Variants in RYR3 observed in about 807,000 individuals in gnomAD.
RYR3 encodes brain ryanodine receptor-calcium release channel.
RYR3 carries 207 observed loss-of-function variants against 584.3 expected under a neutral mutation model. That is an observed-to-expected ratio of 0.35 (90% CI 0.32 to 0.40). The LOEUF is 0.40. Ranked by LOEUF, RYR3 falls within the 10% of genes least tolerant of loss-of-function variation. RYR3 has a pLI of 1.00. For synonymous variants in RYR3, 2,416 were observed against 2,248.5 expected (o/e 1.07, Z -2.11); for missense variants, 5,616 against 6,089.2 (o/e 0.92, Z 2.59).
intron 16 of RYR3, among the ~76,000 whole-genome samples, chr15:33,593,711 C>T (rs187878014): frequency 2.6e-5 from 4 of 152,178 alleles, no homozygotes; most frequent in African/African-American, 9.6e-5. Context: ...GACTTTTAAT[C>T]AGGAAAAATT....
chr15:33,443,171 A>T (rs1312017979), intron 1 of RYR3, among the ~76,000 whole-genome samples: 1 of 151,898 alleles, frequency 6.6e-6, no homozygotes, highest in African/African-American at 2.4e-5. Flanking sequence ...AGGTGGGAGA[A>T]TTCCTTGAAC....
In RYR3 at chr15:33,756,289, T is replaced by C; in HGVS notation, c.8516-17T>C. 6.4e-7 allele frequency: 1 copy of C among 1,560,632 alleles called. No homozygotes were observed. Among genetic ancestry groups the C allele is most frequent in the Non-Finnish European group, 8.7e-7 (1 of 1,148,940 alleles). On this transcript the variant is annotated splice_polypyrimidine_tract_variant and intron_variant, in intron 58 of 103. Coordinates refer to ENST00000634891, the MANE Select transcript of RYR3 (RefSeq NM_001036.6). Reference sequence around the variant, plus strand: ...TTCGTAACTCTGGCCAACTTTGTGTTACCTGTGTCTTCGTAGAAGCCATTG... The same window carrying C: ...TTCGTAACTCTGGCCAACTTTGTGTCACCTGTGTCTTCGTAGAAGCCATTG...
In RYR3 at chr15:33,860,659, G is replaced by A. The variant is rs1216989904; in HGVS notation, c.14364G>A (p.Glu4788=). ...DQQEQVREDM[E]TKCFICGIGN... is the part of the protein sequence containing the mutation. ...AGGAACAAGTACGAGAAGATATGGA[G>A]GTAATGTTACTCTAACTACTAATCC... is the stretch of plus-strand genomic sequence containing the variant. The change falls in exon 101 of 104, where the codon GAG becomes GAA. Residue 4788 remains glutamate (E), a splice_region_variant and synonymous_variant. Coordinates refer to ENST00000634891, the MANE Select transcript of RYR3 (RefSeq NM_001036.6). The A allele has an allele frequency of 2.5e-6, 4 of 1,583,470 alleles. No homozygotes were observed. Among genetic ancestry groups the A allele is most frequent in the Non-Finnish European group, 3.4e-6 (4 of 1,161,720 alleles).
chr15:33,577,438 G>A (rs1017464130), intron 12 of RYR3, among the ~76,000 whole-genome samples: 1 of 152,118 alleles, frequency 6.6e-6, no homozygotes, highest in Non-Finnish European at 1.5e-5. Context: ...CAATAGAAGA[G>A]AATAGAGAAC....
At chr15:33,815,748 A>T (rs11072688) in intron 74 of RYR3, 107,337 of 395,708 alleles carry the variant, frequency 0.27, 14,979 homozygotes, top group South Asian at 0.36. Flanking sequence ...AATCTCCCAA[A>T]CTAAAGGGCT....
Position 33,662,426 on chromosome 15 carries a change from C to T in RYR3, c.4896C>T (p.Pro1632=). The change falls in exon 35 of 104, where the codon CCC becomes CCT. Residue 1632 remains proline, a synonymous_variant. Coordinates refer to ENST00000634891, the MANE Select transcript of RYR3 (RefSeq NM_001036.6). The stretch of plus-strand genomic sequence containing the variant: ...TGATGAAGAACGAGTACATCATCCC[C>T]ATTACCAGCACCACCAGGAATATCC... The part of the protein sequence containing the change: ...KLMMKNEYII[P]ITSTTRNIRL... The T allele has an allele frequency of 1.2e-6, 2 of 1,613,996 alleles. No homozygotes were observed. Among genetic ancestry groups the T allele is most frequent in the Non-Finnish European group, 8.5e-7 (1 of 1,179,880 alleles).
intron 19 of RYR3, 145 bp from the exon 20 acceptor site, chr15:33,623,662 G>T: frequency 1.6e-6 from 1 of 628,584 alleles, no homozygotes; most frequent in Non-Finnish European, 2.8e-6. Context: ...ACTGGATGAT[G>T]TTTGCTGTGG....
chr15:33,562,823 T>C lies in RYR3; in HGVS notation c.973-14T>C. ...AGCTATGCCTATGTTTGTTTCTTTTTGTGTATGAATTAGGAACTCAAGGAG... is the reference window on the plus strand; with the variant it reads ...AGCTATGCCTATGTTTGTTTCTTTTCGTGTATGAATTAGGAACTCAAGGAG... On this transcript the variant is annotated splice_polypyrimidine_tract_variant and intron_variant, in intron 10 of 103. Coordinates refer to ENST00000634891, the MANE Select transcript of RYR3 (RefSeq NM_001036.6). 1.2e-6 allele frequency: 2 copies of C among 1,600,738 alleles called. No homozygotes were observed. Among genetic ancestry groups the C allele is most frequent in the Non-Finnish European group, 1.7e-6 (2 of 1,168,828 alleles).
intron 1 of RYR3, among the ~76,000 whole-genome samples, chr15:33,449,825 G>A (rs1394232348): frequency 6.6e-6 from 1 of 152,072 alleles, no homozygotes; most frequent in Non-Finnish European, 1.5e-5. Flanking sequence ...ATGCTGGTGT[G>A]AAAGGAAGGT....
At chr15:33,839,506 C>T (rs2078233316) in intron 89 of RYR3, 1 of 153,796 alleles carries the variant, frequency 6.5e-6, no homozygotes, top group African/African-American at 2.4e-5. Context: ...GCCCCTTGAC[C>T]ATGGAAGGTT....
intron 1 of RYR3, among the ~76,000 whole-genome samples, chr15:33,438,918 C>G (rs1382572682): frequency 1.3e-5 from 2 of 152,060 alleles, no homozygotes; most frequent in Non-Finnish European, 2.9e-5. Context: ...ATAACAAATA[C>G]ATTAGGATGT....
Position 33,742,439 on chromosome 15 carries a change from G to C in RYR3, c.7894G>C (p.Asp2632His), listed in dbSNP as rs1282566724. 6.3e-7 allele frequency: 1 copy of C among 1,599,986 alleles called. No homozygotes were observed. The highest frequency in any genetic ancestry group is 1.3e-5 in the African/African-American group (1 of 74,642). ...AEHSHDKWAC[D>H]KSQSGWKYGI... ...GCATTCACATGATAAATGGGCCTGT[G>C]ACAAGGTAGGGATTATCATCCAACT... Residue 2632 changes from aspartate (D) to histidine (H), a missense_variant, in exon 52 of 104, where the codon GAC becomes CAC. Around this residue, in one of 9 missense-constraint regions of RYR3, gnomAD observed 1,280 missense variants for 1,426.2 expected, o/e 0.90. Transcript: ENST00000634891.
In RYR3 at chr15:33,550,288, C is replaced by T. The variant is rs1018389368; in HGVS notation, c.944C>T (p.Ser315Phe). ...GACCGGGCAAAGTCAGACACCAAGT[C>T]CACAGCTTTCTCTTTCCGGGCATCA... ...LQDRAKSDTK[S>F]TAFSFRASKE... The change falls in exon 10 of 104, where the codon TCC becomes TTC. Residue 315 changes from serine to phenylalanine, a missense_variant. Transcript: ENST00000634891. The T allele has an allele frequency of 6.2e-7, 1 of 1,613,384 alleles. No homozygotes were observed. Among genetic ancestry groups the T allele is most frequent in the Non-Finnish European group, 8.5e-7 (1 of 1,179,660 alleles).
At chr15:33,639,441 C>A (rs1009540067) in intron 27 of RYR3, among the ~76,000 whole-genome samples, 2 of 152,166 alleles carry the variant, frequency 1.3e-5, no homozygotes, top group South Asian at 2.1e-4. Context: ...CTGGAATAAC[C>A]ACATAGCATC....
At chr15:33,757,775 T>C in intron 60 of RYR3, 179 bp downstream of exon 60, 1 of 668,328 alleles carries the variant, frequency 1.5e-6, no homozygotes, top group South Asian at 1.9e-5. Flanking sequence ...CAGCAACCAA[T>C]TGAGGTATAC....
At chr15:33,564,060 G>A (rs1360788705) in intron 11 of RYR3, among the ~76,000 whole-genome samples, 1 of 152,138 alleles carries the variant, frequency 6.6e-6, no homozygotes, top group African/African-American at 2.4e-5. Flanking sequence ...GCACTAAGGT[G>A]AGCCCACCTT....
chr15:33,686,468 C>T (rs1008047091), intron 38 of RYR3, among the ~76,000 whole-genome samples: 12 of 152,044 alleles, frequency 7.9e-5, no homozygotes, highest in Admixed American at 2.0e-4. Context: ...CAGGACCAGA[C>T]GAATTCACAG....
chr15:33,388,279 T>C (rs1342898059), intron 1 of RYR3, among the ~76,000 whole-genome samples: 1 of 152,064 alleles, frequency 6.6e-6, no homozygotes, highest in Non-Finnish European at 1.5e-5. Context: ...ATCAGGCAAG[T>C]GTAAGAATAG....
chr15:33,418,746 C>A (rs1453233328), intron 1 of RYR3, among the ~76,000 whole-genome samples: 1 of 152,118 alleles, frequency 6.6e-6, no homozygotes, highest in Non-Finnish European at 1.5e-5. Flanking sequence ...CCTAACTTTA[C>A]ACACTGGGGG....
Sources: gnomAD v4.1 joint callset for allele counts (sites outside exome capture counted in the v4.1 genomes callset) on GRCh38, gnomAD v4.1.1 for gene constraint, gnomAD v4.1.1 regional missense constraint, MANE v1.5 for transcripts, NCBI Gene and HGNC (gene_info 2026-07-23, HGNC 2026-07-21) for gene names.